The following KAT6A variants were observed in gnomAD, a reference collection of about 807,000 sequenced individuals.
The protein encoded by KAT6A is histone acetyltransferase KAT6A.
KAT6A carries 9 observed loss-of-function variants against 198.4 expected under a neutral mutation model. That is an observed-to-expected ratio of 0.05 (90% CI 0.03 to 0.08). The LOEUF (loss-of-function observed/expected upper bound fraction) is 0.08. Ranked by LOEUF, KAT6A falls within the 10% of genes least tolerant of loss-of-function variation. The pLI, the probability that KAT6A is intolerant of heterozygous loss-of-function variation, is 1.00. For missense variants in KAT6A, 2,077 were observed against 2,509.9 expected, an observed-to-expected ratio of 0.83 and a Z score of 3.69; for synonymous variants, 890 against 883.0, an observed-to-expected ratio of 1.01 and a Z score of -0.14.
At chr8:42,038,018 C>A (rs1211475185) in intron 2 of KAT6A, among the ~76,000 whole-genome samples, 1 of 152,160 alleles carries the variant, frequency 6.6e-6, no homozygotes, top group Non-Finnish European at 1.5e-5. Context: ...CTAGACTATA[C>A]ACTTTTGGTC....
At position 41,987,482 on chromosome 8, in the gene KAT6A, T is replaced by C. The variant is rs773919586; in HGVS notation, c.682A>G (p.Ile228Val). The change falls in exon 3 of 17, where the codon ATC becomes GTC. Residue 228 changes from isoleucine to valine, a missense_variant. By Grantham distance (29) the Ile-to-Val change is conservative. This residue lies in a region of KAT6A where 89 missense variants were observed against 154.4 expected (regional missense o/e 0.58). Transcript: ENST00000265713. ...CTGTTGCCACAGTCGGCACAGGAGA[T>C]GAGTTCCTCTGGCTTCTTTTCTCGG... ...QNREKKPEELISCADCGNSGH... is the reference protein window; with the variant it reads ...QNREKKPEELVSCADCGNSGH... 1.2e-6 allele frequency: 2 copies of C among 1,611,362 alleles called. No individual in the cohort carries two copies. Among genetic ancestry groups the C allele is most frequent in the Admixed American group, 3.3e-5 (2 of 60,022 alleles).
At chr8:41,959,044 C>A (rs985543354) in intron 8 of KAT6A, among the ~76,000 whole-genome samples, 1 of 151,790 alleles carries the variant, frequency 6.6e-6, no homozygotes, top group Non-Finnish European at 1.5e-5. Context: ...CACCTGTAGT[C>A]CCAGCTACTC....
At chr8:41,942,512 A>G (rs911088935) in intron 14 of KAT6A, 5 of 416,520 alleles carry the variant, frequency 1.2e-5, no homozygotes, top group African/African-American at 9.9e-5. Flanking sequence ...TATCCAGCTT[A>G]AAACTGAGCT....
intron 2 of KAT6A, among the ~76,000 whole-genome samples, chr8:42,015,136 C>T (rs1826211322): frequency 6.6e-6 from 1 of 152,154 alleles, no homozygotes; most frequent in African/African-American, 2.4e-5. Context: ...GGTTGTCTGC[C>T]AATGTTATCC....
rs1356950616 is a variant in KAT6A, at chr8:41,930,555, A to G, written c.*1650T>C. 5.2e-6 allele frequency: 1 copy of G among 190,870 alleles called. No homozygotes were observed. Among genetic ancestry groups the G allele is most frequent in the African/African-American group, 2.3e-5 (1 of 42,762 alleles). The allele number at this position is 190,870 out of a possible 1,614,324, so 11.8% of individuals were successfully genotyped here. ...ATTTATCTATATAAAATGTACAAAT[A>G]AAGGAGAGAATTTAATGCTTACAGA... On this transcript the variant is annotated 3_prime_UTR_variant, in exon 17 of 17. Coordinates refer to ENST00000265713, the MANE Select transcript of KAT6A (RefSeq NM_006766.5).
rs535792475 is a variant in KAT6A at position 41,981,174 on chromosome 8, C to T, written c.826-247G>A. On this transcript the variant is annotated intron_variant, in intron 4 of 16. Transcript: ENST00000265713. ...CCCTACTAAAAATACAAAAATTAGA[C>T]GGGCATGGTGGCATGTGCCTGTAAT... Among the ~76,000 whole-genome samples, 66 of 152,190 alleles carry T rather than the reference C, an allele frequency of 4.3e-4. 1 individual carries two copies. In the East Asian group the frequency reaches 0.011, roughly 25 times the overall value.
At chr8:42,047,452 T>C (rs1802369629) in intron 2 of KAT6A, among the ~76,000 whole-genome samples, 1 of 152,152 alleles carries the variant, frequency 6.6e-6, no homozygotes, top group South Asian at 2.1e-4. Flanking sequence ...GGGTCTCAGT[T>C]GTCCAGGCTG....
intron 2 of KAT6A, among the ~76,000 whole-genome samples, chr8:42,043,158 A>G (rs1827748049): frequency 6.6e-6 from 1 of 152,232 alleles, no homozygotes; most frequent in South Asian, 2.1e-4. Flanking sequence ...CAGGACCTAA[A>G]TCTTAAATCC....
chr8:41,961,002 T>A (rs553799829), intron 8 of KAT6A, among the ~76,000 whole-genome samples: 1 of 152,208 alleles, frequency 6.6e-6, no homozygotes, highest in African/African-American at 2.4e-5. Context: ...CAGAGAATCA[T>A]GCTACCCAGT....
chr8:42,013,347 C>A (rs1198896762), intron 2 of KAT6A, among the ~76,000 whole-genome samples: 1 of 151,818 alleles, frequency 6.6e-6, no homozygotes, highest in African/African-American at 2.4e-5. Context: ...CCTCCGCCTC[C>A]CGGGTTCAAG....
chr8:42,026,848 T>C (rs971718585), intron 2 of KAT6A, among the ~76,000 whole-genome samples: 3 of 152,212 alleles, frequency 2.0e-5, no homozygotes, highest in Admixed American at 6.5e-5. Flanking sequence ...ATTCCAATTC[T>C]TAGAGAAAAG....
chr8:41,933,504 C>T lies in KAT6A; in HGVS notation c.4716G>A (p.Thr1572=), dbSNP rs1229274225. 3.1e-6 allele frequency: 5 copies of T among 1,613,878 alleles called. No homozygotes were observed. In the East Asian group the frequency reaches 6.7e-5, roughly 22 times the overall value. Residue 1572 remains threonine, a synonymous_variant, in exon 17 of 17, where the codon ACG becomes ACA. Transcript: ENST00000265713. The surrounding 1 kb of genome is among the most constrained non-coding windows in gnomAD (Gnocchi z 6.2). ...TGTTCCCACAGATGCTGCCGCCCAT[C>T]GTGGAGTCGTAACTGCTTGGGTTCT... ...NYENPSSYDS[T]MGGSICGNSS... is the part of the protein sequence containing the mutation.
intron 7 of KAT6A, among the ~76,000 whole-genome samples, chr8:41,976,701 G>A (rs1824070951): frequency 6.6e-6 from 1 of 152,136 alleles, no homozygotes; most frequent in Non-Finnish European, 1.5e-5. Context: ...AGTAATTTGT[G>A]AAATGTAAAG....
intron 2 of KAT6A, among the ~76,000 whole-genome samples, chr8:42,044,097 AC>A (rs1827792978): frequency 6.8e-6 from 1 of 148,128 alleles, no homozygotes; most frequent in African/African-American, 2.5e-5. Flanking sequence ...ATGGGTAAAA[AC>A]TTTTTTTTTT....
At position 41,934,051 on chromosome 8, in the gene KAT6A, G is replaced by C; in HGVS notation, c.4169C>G (p.Ala1390Gly). Residue 1390 changes from alanine (A) to glycine (G), a missense_variant, in exon 17 of 17, where the codon GCT becomes GGT. Transcript: ENST00000265713. ...HDTSVVSEQM[A>G]GSEDDHEEDS... The stretch of plus-strand genomic sequence containing the variant: ...TTCTTCGTGGTCGTCCTCAGACCCA[G>C]CCATCTGCTCTGACACCACGGACGT... 6.2e-7 allele frequency: 1 copy of C among 1,614,058 alleles called. No individual in the cohort carries two copies. The highest frequency in any genetic ancestry group is 8.5e-7 in the Non-Finnish European group (1 of 1,180,004).
intron 2 of KAT6A, chr8:42,043,484 T>C (rs1242492646): frequency 1.3e-5 from 2 of 152,196 alleles, no homozygotes; most frequent in Non-Finnish European, 2.9e-5. Flanking sequence ...AAAAATGGCA[T>C]GTAGGTGAAA....
intron 15 of KAT6A, among the ~76,000 whole-genome samples, chr8:41,938,319 T>G (rs2150859390): frequency 6.6e-6 from 1 of 152,370 alleles, no homozygotes. Flanking sequence ...GCATGTGAGC[T>G]TACTGCCTGT....
chr8:42,042,180 C>T (rs1827700682), intron 2 of KAT6A, among the ~76,000 whole-genome samples: 1 of 152,178 alleles, frequency 6.6e-6, no homozygotes, highest in African/African-American at 2.4e-5. Context: ...TATCCCTGGC[C>T]GGGCACGGTG....
chr8:41,976,664 T>A (rs1011292565), intron 7 of KAT6A, among the ~76,000 whole-genome samples: 1 of 152,200 alleles, frequency 6.6e-6, no homozygotes, highest in Non-Finnish European at 1.5e-5. Context: ...TAAGCAGGCA[T>A]CATAACATTC....
Sources: allele counts gnomAD v4.1 joint callset (sites outside exome capture counted in the v4.1 genomes callset), GRCh38; gene constraint gnomAD v4.1.1; regional missense constraint gnomAD v4.1.1; non-coding constraint Gnocchi (gnomAD v3.1); transcripts MANE v1.5; gene names NCBI Gene and HGNC (gene_info 2026-07-23, HGNC 2026-07-21).